ANKS1B: variants seen among roughly 807,000 people sequenced by gnomAD.
ANKS1B encodes ankyrin repeat and sterile alpha motif domain containing 1B.
ANKS1B carries 36 observed loss-of-function variants against 148.3 expected under a neutral mutation model. The observed-to-expected ratio is 0.24, with a 90% confidence interval of 0.19 to 0.32. ANKS1B has a LOEUF of 0.32. Ranked by LOEUF, ANKS1B falls within the 10% of genes least tolerant of loss-of-function variation. The pLI is 1.00. For synonymous variants in ANKS1B, 542 were observed against 560.8 expected (o/e 0.97, Z 0.47); for missense variants, 1,157 against 1,542.6 (o/e 0.75, Z 4.19).
At chr12:99,983,738 TTAAC>T (rs1290528054) in intron 1 of ANKS1B, among the ~76,000 whole-genome samples, 1 of 152,154 alleles carries the variant, frequency 6.6e-6, no homozygotes, top group Non-Finnish European at 1.5e-5. Context: ...CCAATTTCAT[TTAAC>T]TAGACAAAAA....
chr12:99,295,696 C>T (rs1949951513), intron 12 of ANKS1B, among the ~76,000 whole-genome samples: 1 of 152,150 alleles, frequency 6.6e-6, no homozygotes, highest in South Asian at 2.1e-4. Flanking sequence ...GTACAGATTA[C>T]TTCACACCCA....
chr12:99,826,217 TA>T (rs1310298635), intron 1 of ANKS1B, among the ~76,000 whole-genome samples: 1 of 152,198 alleles, frequency 6.6e-6, no homozygotes, highest in Non-Finnish European at 1.5e-5. Context: ...CATATTGAGC[TA>T]GGCACTGGGA....
intron 12 of ANKS1B, among the ~76,000 whole-genome samples, chr12:99,332,934 G>A (rs535763441): frequency 1.3e-5 from 2 of 151,864 alleles, no homozygotes; most frequent in African/African-American, 4.8e-5. Flanking sequence ...CTTGACAGGG[G>A]CCAGATTTAG....
At chr12:99,032,695 A>T (rs538159236) in intron 17 of ANKS1B, among the ~76,000 whole-genome samples, 20 of 152,322 alleles carry the variant, frequency 1.3e-4, no homozygotes, top group South Asian at 8.3e-4. Context: ...TCAATCTACT[A>T]CAACTCTAGA....
chr12:99,137,365 A>C (rs1452326407), intron 15 of ANKS1B, among the ~76,000 whole-genome samples: 1 of 152,300 alleles, frequency 6.6e-6, no homozygotes, highest in South Asian at 2.1e-4. Context: ...ACGATTACCC[A>C]GTCAGTCAAC....
intron 8 of ANKS1B, among the ~76,000 whole-genome samples, chr12:99,702,327 T>C (rs1178929763): frequency 1.3e-5 from 2 of 152,104 alleles, no homozygotes; most frequent in Non-Finnish European, 2.9e-5. Flanking sequence ...TGTTGGCCAT[T>C]TGTATGTCTT....
intron 9 of ANKS1B, among the ~76,000 whole-genome samples, chr12:99,576,405 T>C (rs2153225097): frequency 6.6e-6 from 1 of 152,114 alleles, no homozygotes; most frequent in East Asian, 1.9e-4. Context: ...ATCTCTAGAA[T>C]ACTTCACCCA....
chr12:99,785,990 A>C (rs150797445), intron 4 of ANKS1B, among the ~76,000 whole-genome samples: 154 of 152,340 alleles, frequency 1.0e-3, no homozygotes, highest in Non-Finnish European at 1.4e-3. Context: ...TTCGGCTCTT[A>C]AGAAAATATT....
chr12:99,098,746 G>GA (rs1201937430), intron 15 of ANKS1B, among the ~76,000 whole-genome samples: 2 of 140,646 alleles, frequency 1.4e-5, no homozygotes, highest in African/African-American at 5.2e-5. Flanking sequence ...TGTGATGGCA[G>GA]AAAAATTCAG....
intron 15 of ANKS1B, among the ~76,000 whole-genome samples, chr12:99,123,814 T>A (rs2063573736): frequency 6.6e-6 from 1 of 152,156 alleles, no homozygotes; most frequent in African/African-American, 2.4e-5. Flanking sequence ...GGAAGTTGAT[T>A]AGATGGTGCC....
At chr12:98,772,616 A>G (rs2098601736) in intron 25 of ANKS1B, among the ~76,000 whole-genome samples, 2 of 152,122 alleles carry the variant, frequency 1.3e-5, no homozygotes, top group Admixed American at 1.3e-4. Flanking sequence ...CTTACTCACT[A>G]TCATGAGAAT....
chr12:99,222,685 C>A (rs1359641821), intron 14 of ANKS1B, among the ~76,000 whole-genome samples: 1 of 152,150 alleles, frequency 6.6e-6, no homozygotes, highest in African/African-American at 2.4e-5. Flanking sequence ...TCAATTTAAT[C>A]ATTTTCCAAA....
intron 12 of ANKS1B, among the ~76,000 whole-genome samples, chr12:99,370,093 T>C (rs942594923): frequency 1.3e-5 from 2 of 152,154 alleles, no homozygotes; most frequent in African/African-American, 4.8e-5. Flanking sequence ...GGCATGATTG[T>C]TATTCTTAGA....
chr12:99,266,922 G>A (rs568299451), intron 12 of ANKS1B, among the ~76,000 whole-genome samples: 1 of 152,192 alleles, frequency 6.6e-6, no homozygotes, highest in East Asian at 1.9e-4. Flanking sequence ...CTGTCAAAAC[G>A]TTTGGTGAAT....
In ANKS1B at chr12:99,971,753, T is replaced by A. The variant is rs75717039; in HGVS notation, c.134+12351A>T. On this transcript the variant is annotated intron_variant, in intron 1 of 26. Transcript: ENST00000683438. The stretch of plus-strand genomic sequence containing the variant: ...AAGCCAACTTGCAACACAATTTTTT[T>A]AAAAAGAAAAACAAAATACATTTTT... Among the ~76,000 whole-genome samples, 942 of 152,298 alleles carry A rather than the reference T, an allele frequency of 6.2e-3. 5 individuals carry two copies. The highest frequency in any genetic ancestry group is 9.5e-3 in the Non-Finnish European group (648 of 68,012).
chr12:99,572,031 T>C (rs2097461260), intron 9 of ANKS1B, among the ~76,000 whole-genome samples: 1 of 151,970 alleles, frequency 6.6e-6, no homozygotes. Context: ...TGATGCAAAA[T>C]AAAATGGGAT....
intron 17 of ANKS1B, among the ~76,000 whole-genome samples, chr12:98,974,393 G>T (rs976392488): frequency 6.6e-6 from 1 of 152,148 alleles, no homozygotes; most frequent in Non-Finnish European, 1.5e-5. Flanking sequence ...ATTTGATAGA[G>T]CCAATTAAAT....
At chr12:99,967,732 C>A (rs1743693699) in intron 1 of ANKS1B, among the ~76,000 whole-genome samples, 1 of 151,684 alleles carries the variant, frequency 6.6e-6, no homozygotes, top group African/African-American at 2.4e-5. Flanking sequence ...CATGGTGAAA[C>A]GCCGTCTCTA....
intron 9 of ANKS1B, among the ~76,000 whole-genome samples, chr12:99,529,325 C>G (rs1166433863): frequency 6.6e-6 from 1 of 152,158 alleles, no homozygotes; most frequent in African/African-American, 2.4e-5. Flanking sequence ...ATTTATCTTT[C>G]TCTTGTTCTA....
Sources: allele counts gnomAD v4.1 joint callset (sites outside exome capture counted in the v4.1 genomes callset), GRCh38; gene constraint gnomAD v4.1.1; transcripts MANE v1.5; gene names NCBI Gene and HGNC (gene_info 2026-07-23, HGNC 2026-07-21).